Variants in ERC1 observed in about 807,000 individuals in gnomAD.
ERC1 encodes the protein RAB6 interacting protein 2.
A neutral mutation model predicts 132.0 loss-of-function variants in ERC1; 56 were observed. The ratio of observed to expected loss-of-function variants is 0.42; its 90% CI spans 0.34 to 0.53. The LOEUF (loss-of-function observed/expected upper bound fraction) is 0.53. ERC1 is among the 20% of genes least tolerant of loss of function. The pLI, the probability that ERC1 is intolerant of heterozygous loss-of-function variation, is 0.03. For synonymous variants in ERC1, 478 were observed against 476.1 expected (o/e 1.00, Z -0.05); for missense variants, 1,202 against 1,349.9 (o/e 0.89, Z 1.72).
chr12:1,382,267 G>A (rs564342878), intron 16 of ERC1, among the ~76,000 whole-genome samples: 1 of 152,292 alleles, frequency 6.6e-6, no homozygotes, highest in South Asian at 2.1e-4. Flanking sequence ...CTGTATGGGC[G>A]AAGCAGATCT....
chr12:1,188,225 C>T (rs1842884623), intron 11 of ERC1, among the ~76,000 whole-genome samples: 1 of 152,152 alleles, frequency 6.6e-6, no homozygotes, highest in Non-Finnish European at 1.5e-5. Flanking sequence ...TAAGAATTTT[C>T]TCAGTTACTT....
chr12:1,155,314 C>CAAAAAAAAAAAAAAAAAAAAAAAAAAA, intron 8 of ERC1, among the ~76,000 whole-genome samples: 1 of 55,092 alleles, frequency 1.8e-5, no homozygotes, highest in Non-Finnish European at 3.5e-5. Context: ...GACTTCATCT[C>CAAAAAAAAAAAAAAAAAAAAAAAAAAA]AAAAAAAAAA....
At chr12:1,439,481 T>C (rs2093042206) in intron 17 of ERC1, among the ~76,000 whole-genome samples, 1 of 152,168 alleles carries the variant, frequency 6.6e-6, no homozygotes, top group African/African-American at 2.4e-5. Flanking sequence ...GAAACAAAGC[T>C]CTTAGTACTT....
chr12:1,451,988 A>C (rs2093434953), intron 18 of ERC1, among the ~76,000 whole-genome samples: 1 of 152,222 alleles, frequency 6.6e-6, no homozygotes, highest in South Asian at 2.1e-4. Flanking sequence ...GAAGGTGGCC[A>C]TCTGTAAGCC....
intron 14 of ERC1, among the ~76,000 whole-genome samples, chr12:1,264,400 C>T (rs903902111): frequency 1.1e-4 from 17 of 152,142 alleles, no homozygotes; most frequent in Non-Finnish European, 2.2e-4. Flanking sequence ...CGGTGGTTCA[C>T]GCCTGTAATC....
At chr12:1,297,436 T>G (rs2080040633) in intron 15 of ERC1, among the ~76,000 whole-genome samples, 1 of 151,106 alleles carries the variant, frequency 6.6e-6, no homozygotes. Flanking sequence ...GCACTGTGGC[T>G]CATGCCTGTA....
chr12:1,434,242 AC>A (rs1395920937), intron 17 of ERC1, among the ~76,000 whole-genome samples: 2 of 152,186 alleles, frequency 1.3e-5, no homozygotes, highest in East Asian at 3.8e-4. Context: ...CTAAAACTGG[AC>A]GTGGCTTCCT....
In ERC1 at chr12:1,010,156, G is replaced by A. The variant is rs148441095; in HGVS notation, c.-156-17592G>A. On this transcript the variant is annotated intron_variant, in intron 1 of 18. Transcript: ENST00000360905. ...ATTCAGAGAAGCGTGGTAACCGAGG[G>A]GAGGAAAATGGACTTTTCCAGGTCG... Among the ~76,000 whole-genome samples, 688 of 152,258 alleles carry A rather than the reference G, an allele frequency of 4.5e-3. 7 individuals carry two copies. The highest frequency in any genetic ancestry group is 0.016 in the African/African-American group (667 of 41,548).
At chr12:1,057,527 CTTT>C (rs35389600) in intron 2 of ERC1, among the ~76,000 whole-genome samples, 1 of 141,806 alleles carries the variant, frequency 7.1e-6, no homozygotes, top group African/African-American at 2.7e-5. Context: ...TTTTATTGTA[CTTT>C]TTTTTTAAAA....
At chr12:1,270,325 A>G (rs1011380884) in intron 14 of ERC1, among the ~76,000 whole-genome samples, 2 of 152,096 alleles carry the variant, frequency 1.3e-5, no homozygotes, top group African/African-American at 4.8e-5. Context: ...CTTGGGCCTC[A>G]GCCTCCCAAG....
intron 16 of ERC1, chr12:1,380,908 G>T (rs1457330666): frequency 2.0e-5 from 3 of 152,232 alleles, no homozygotes; most frequent in African/African-American, 7.2e-5. Flanking sequence ...AAGTATCGCA[G>T]CAGCTTAAGT....
chr12:1,043,799 T>G (rs1970657900), intron 2 of ERC1, among the ~76,000 whole-genome samples: 2 of 150,502 alleles, frequency 1.3e-5, no homozygotes, highest in Admixed American at 6.7e-5. Flanking sequence ...TACCTAGAAC[T>G]TTTGCCATTT....
At chr12:1,271,107 A>C (rs1488529628) in intron 14 of ERC1, among the ~76,000 whole-genome samples, 2 of 152,224 alleles carry the variant, frequency 1.3e-5, no homozygotes, top group East Asian at 3.8e-4. Context: ...ATATCAAGTT[A>C]AAATCATTCT....
rs186437409 is a variant in ERC1, at chr12:1,145,921, A to G, written c.1737+4134A>G. The stretch of plus-strand genomic sequence containing the variant: ...ATTTCTGGGTTCTCTATTCTGTTCC[A>G]TTGGTCTGTGTGCCTGTTTTTATAC... On this transcript the variant is annotated intron_variant, in intron 8 of 18. Transcript: ENST00000360905. 1.6e-4 allele frequency among the ~76,000 whole-genome samples: 24 copies of G among 152,154 alleles called. No homozygotes were observed. The East Asian group carries it at 4.4e-3, about 28-fold the overall frequency.
At chr12:1,119,461 C>T (rs145453687) in intron 7 of ERC1, among the ~76,000 whole-genome samples, 1 of 151,838 alleles carries the variant, frequency 6.6e-6, no homozygotes, top group African/African-American at 2.4e-5. Context: ...AAAACCAGCC[C>T]TCTACCTTTA....
rs564111968 is a variant in ERC1 at position 1,223,751 on chromosome 12, A to C, written c.2352-13018A>C. ...TTGGGAGCTTAGCAATTGTGAATCT[A>C]ATTTTAAAGCATTAATTTATTTATG... On this transcript the variant is annotated intron_variant, in intron 12 of 18. Coordinates refer to ENST00000360905, the MANE Select transcript of ERC1 (RefSeq NM_178040.4). Among the ~76,000 whole-genome samples the C allele has an allele frequency of 7.9e-5, 12 of 152,288 alleles. No homozygotes were observed. The East Asian group carries it at 1.7e-3, about 22-fold the overall frequency.
chr12:1,271,622 A>G (rs11835556), intron 14 of ERC1, among the ~76,000 whole-genome samples: 6,089 of 152,308 alleles, frequency 0.04, 187 homozygotes, highest in East Asian at 0.072. Context: ...ATTTACAGGC[A>G]TGATTATAGC....
chr12:1,225,282 G>A (rs758898148), intron 12 of ERC1, among the ~76,000 whole-genome samples: 1 of 151,732 alleles, frequency 6.6e-6, no homozygotes, highest in Non-Finnish European at 1.5e-5. Context: ...AACATAGCAA[G>A]GTGCTGTCTC....
At chr12:1,295,726 C>T (rs996436207) in intron 15 of ERC1, among the ~76,000 whole-genome samples, 3 of 151,662 alleles carry the variant, frequency 2.0e-5, no homozygotes, top group African/African-American at 7.3e-5. Context: ...TGAGTCTCAC[C>T]GAGATAGAGA....
Sources: allele counts gnomAD v4.1 joint callset (sites outside exome capture counted in the v4.1 genomes callset), GRCh38; gene constraint gnomAD v4.1.1; transcripts MANE v1.5; gene names NCBI Gene and HGNC (gene_info 2026-07-23, HGNC 2026-07-21).